The following EDIL3 variants were observed in gnomAD, a reference collection of about 807,000 sequenced individuals.
EDIL3 encodes EGF like and discoidin domains 3, also known as EGF-like repeat and discoidin I-like domain-containing protein 3.
In EDIL3, 37 loss-of-function variants were observed where a neutral mutation model predicts 67.4. That is an observed-to-expected ratio of 0.55 (90% confidence interval 0.42 to 0.72). The LOEUF is 0.72. Among genes scored for constraint, EDIL3 ranks in the 30% least tolerant of loss-of-function variants. EDIL3 has a pLI of 0.00. For missense variants in EDIL3, 527 were observed against 586.3 expected (o/e 0.90, Z 1.04); for synonymous variants, 195 against 196.3 (o/e 0.99, Z 0.05).
intron 6 of EDIL3, among the ~76,000 whole-genome samples, chr5:84,073,621 C>T (rs1173591696): frequency 4.0e-5 from 6 of 151,804 alleles, no homozygotes; most frequent in African/African-American, 9.7e-5. Context: ...AATAAAATAC[C>T]TAGGAATCCA....
In EDIL3 at chr5:84,032,781, T is replaced by C. The variant is rs186801333; in HGVS notation, c.1137+27519A>G. On this transcript the variant is annotated intron_variant, in intron 9 of 10. Transcript: ENST00000296591. The stretch of plus-strand genomic sequence containing the variant: ...AGTATGCCTTACACTTTCAGAATTA[T>C]ACATGATATCATTTGCTACCAATAT... Among the ~76,000 whole-genome samples, 1,087 of 152,340 alleles carry C rather than the reference T, an allele frequency of 7.1e-3. 16 individuals are homozygous for C. The highest frequency in any genetic ancestry group is 0.025 in the African/African-American group (1,044 of 41,580).
chr5:83,953,008 G>A (rs1223715858), intron 10 of EDIL3, among the ~76,000 whole-genome samples: 1 of 151,758 alleles, frequency 6.6e-6, no homozygotes, highest in African/African-American at 2.4e-5. Context: ...GATGGATGCA[G>A]GGGTGGCAAA....
At chr5:84,328,757 A>C (rs183242218) in intron 1 of EDIL3, among the ~76,000 whole-genome samples, 3 of 152,174 alleles carry the variant, frequency 2.0e-5, no homozygotes, top group Non-Finnish European at 4.4e-5. Context: ...ACTGAGGTAA[A>C]ATTCAAGTAA....
chr5:84,029,793 G>A (rs539152375), intron 9 of EDIL3, among the ~76,000 whole-genome samples: 1 of 152,200 alleles, frequency 6.6e-6, no homozygotes, highest in South Asian at 2.1e-4. Flanking sequence ...AAAATGATTA[G>A]AACATTTATG....
intron 10 of EDIL3, among the ~76,000 whole-genome samples, chr5:83,957,946 A>G (rs1015007073): frequency 2.6e-5 from 4 of 151,650 alleles, no homozygotes; most frequent in African/African-American, 9.7e-5. Flanking sequence ...CCCCCATCTA[A>G]TCTGCATCCT....
intron 6 of EDIL3, among the ~76,000 whole-genome samples, chr5:84,096,222 C>T (rs1188399686): frequency 7.9e-5 from 12 of 152,260 alleles, no homozygotes; most frequent in Admixed American, 5.9e-4. Flanking sequence ...GGCCACCATC[C>T]TAGAGACCCC....
intron 4 of EDIL3, among the ~76,000 whole-genome samples, chr5:84,160,377 T>G (rs901717471): frequency 6.6e-6 from 1 of 152,122 alleles, no homozygotes; most frequent in Non-Finnish European, 1.5e-5. Flanking sequence ...ATTTAAAATA[T>G]AACCTATTTG....
At chr5:83,948,678 A>G (rs1399197218) in intron 10 of EDIL3, among the ~76,000 whole-genome samples, 1 of 151,830 alleles carries the variant, frequency 6.6e-6, no homozygotes. Flanking sequence ...ATACATCTAT[A>G]TCATATTAAA....
chr5:84,355,448 G>C (rs917261521), intron 1 of EDIL3, among the ~76,000 whole-genome samples: 1 of 151,936 alleles, frequency 6.6e-6, no homozygotes, highest in Admixed American at 6.6e-5. Context: ...TAGCTCAGAA[G>C]AGTTTATTAC....
intron 4 of EDIL3, among the ~76,000 whole-genome samples, chr5:84,169,691 T>C (rs1748777840): frequency 6.6e-6 from 1 of 151,144 alleles, no homozygotes; most frequent in Non-Finnish European, 1.5e-5. Context: ...TTCCTGGAGA[T>C]TTATCTAAGT....
chr5:84,368,562 G>C (rs1278847316), intron 1 of EDIL3, among the ~76,000 whole-genome samples: 1 of 152,044 alleles, frequency 6.6e-6, no homozygotes, highest in Non-Finnish European at 1.5e-5. Flanking sequence ...CACAACATTA[G>C]ATTTGGCAAT....
At chr5:83,998,828 C>T (rs1219339115) in intron 9 of EDIL3, among the ~76,000 whole-genome samples, 1 of 152,196 alleles carries the variant, frequency 6.6e-6, no homozygotes, top group Non-Finnish European at 1.5e-5. Flanking sequence ...TCGGCAAGAC[C>T]TGGCACTGAG....
chr5:84,313,275 C>G (rs537670761), intron 1 of EDIL3, among the ~76,000 whole-genome samples: 1 of 152,140 alleles, frequency 6.6e-6, no homozygotes, highest in African/African-American at 2.4e-5. Flanking sequence ...GGAAAAATAA[C>G]CTAAGTCATC....
chr5:83,948,608 A>T (rs1464514210), intron 10 of EDIL3, among the ~76,000 whole-genome samples: 1 of 151,662 alleles, frequency 6.6e-6, no homozygotes, highest in East Asian at 1.9e-4. Flanking sequence ...TTTTTTTATT[A>T]AAAAGGAAAA....
At chr5:84,322,651 T>A (rs1403766568) in intron 1 of EDIL3, among the ~76,000 whole-genome samples, 1 of 152,018 alleles carries the variant, frequency 6.6e-6, no homozygotes, top group African/African-American at 2.4e-5. Context: ...AAATAACATT[T>A]CAAGAAATAA....
intron 10 of EDIL3, among the ~76,000 whole-genome samples, chr5:83,958,434 A>C (rs1744551954): frequency 6.6e-6 from 1 of 151,664 alleles, no homozygotes; most frequent in Admixed American, 6.6e-5. Context: ...TTTAAGGACC[A>C]AGAAAGTATT....
At chr5:83,999,816 A>G (rs1426387732) in intron 9 of EDIL3, among the ~76,000 whole-genome samples, 1 of 152,072 alleles carries the variant, frequency 6.6e-6, no homozygotes, top group Non-Finnish European at 1.5e-5. Context: ...AAACAGATTG[A>G]AACCAAAGAA....
chr5:84,115,362 T>C (rs550809458), intron 5 of EDIL3, among the ~76,000 whole-genome samples: 1 of 152,148 alleles, frequency 6.6e-6, no homozygotes, highest in South Asian at 2.1e-4. Context: ...ATATTATCAG[T>C]TTAAATTAAT....
intron 1 of EDIL3, among the ~76,000 whole-genome samples, chr5:84,339,509 T>G (rs2112175232): frequency 6.6e-6 from 1 of 152,280 alleles, no homozygotes; most frequent in South Asian, 2.1e-4. Context: ...ATGCATTGGC[T>G]TAACTCTTAA....
Sources: gnomAD v4.1 joint callset for allele counts (sites outside exome capture counted in the v4.1 genomes callset) on GRCh38, gnomAD v4.1.1 for gene constraint, MANE v1.5 for transcripts, NCBI Gene and HGNC (gene_info 2026-07-23, HGNC 2026-07-21) for gene names.